Variants in KEAP1 observed in about 807,000 individuals in gnomAD.
KEAP1 encodes kelch-like ECH-associated protein 1.
Under a neutral mutation model 59.7 loss-of-function variants are expected in KEAP1, and 26 were observed. The ratio of observed to expected loss-of-function variants is 0.44; its 90% CI spans 0.32 to 0.60. The LOEUF (loss-of-function observed/expected upper bound fraction) is 0.60, where lower values mean the gene tolerates loss of function less well. Among genes scored for constraint, KEAP1 ranks in the 20% least tolerant of loss-of-function variants. The pLI, the probability that KEAP1 is intolerant of heterozygous loss-of-function variation, is 0.06. For missense variants in KEAP1, 539 were observed against 871.4 expected (o/e 0.62, Z 4.80); for synonymous variants, 350 against 358.3 (o/e 0.98, Z 0.26).
chr19:10,495,042 T>C (rs1914805935), intron 2 of KEAP1, among the ~76,000 whole-genome samples: 1 of 151,476 alleles, frequency 6.6e-6, no homozygotes, highest in Non-Finnish European at 1.5e-5. Flanking sequence ...CTGCAACCTC[T>C]GTCTCCGGGT....
chr19:10,487,899 C>T (rs760264476), intron 5 of KEAP1, among the ~76,000 whole-genome samples: 26 of 151,908 alleles, frequency 1.7e-4, no homozygotes, highest in East Asian at 1.2e-3. Context: ...GAGGCCGAGG[C>T]GGGCAGATCA....
In KEAP1 at chr19:10,486,630, T is replaced by C; in HGVS notation, c.*22A>G. 6.2e-7 allele frequency: 1 copy of C among 1,610,728 alleles called. No homozygotes were observed. The highest frequency in any genetic ancestry group is 1.1e-5 in the South Asian group (1 of 90,744). ...TGATACTCCCCATTGGACTGTATTT[T>C]TGCCCAAGAAACAAAAGTGCCTCAA... is the stretch of plus-strand genomic sequence containing the variant. On this transcript the variant is annotated 3_prime_UTR_variant, in exon 6 of 6. Coordinates refer to ENST00000171111, the MANE Select transcript of KEAP1 (RefSeq NM_203500.2).
At chr19:10,493,562 T>TC (rs1176646672) in intron 2 of KEAP1, among the ~76,000 whole-genome samples, 1 of 141,796 alleles carries the variant, frequency 7.1e-6, no homozygotes, top group East Asian at 2.0e-4. Context: ...AAACTCTTTT[T>TC]TTTTTTTTTT....
intron 2 of KEAP1, 43 bp from the exon 3 acceptor site, chr19:10,492,305 C>CGT: frequency 6.8e-7 from 1 of 1,479,130 alleles, no homozygotes; most frequent in Non-Finnish European, 9.4e-7. Context: ...TCCAGTCACC[C>CGT]CCACACCTCA....
intron 1 of KEAP1, 106 bp from the exon 2 acceptor site, chr19:10,500,186 A>G (rs551443742): frequency 2.5e-6 from 2 of 784,698 alleles, no homozygotes; most frequent in Admixed American, 3.1e-5. Flanking sequence ...GTTTTCCTGC[A>G]AAGTAGGTGA....
At chr19:10,489,617 G>T (rs1914598398) in intron 4 of KEAP1, 31 bp downstream of exon 4, 2 of 1,608,024 alleles carry the variant, frequency 1.2e-6, no homozygotes, top group Non-Finnish European at 1.7e-6. Context: ...GGGTGTTCCT[G>T]GGTGCTCCCC....
intron 3 of KEAP1, chr19:10,490,320 T>C (rs1303675111): frequency 6.9e-6 from 1 of 145,638 alleles, no homozygotes; most frequent in Non-Finnish European, 1.5e-5. Flanking sequence ...AGTGGTGCAA[T>C]CACTGAAGCT....
intron 5 of KEAP1, among the ~76,000 whole-genome samples, chr19:10,487,863 T>C (rs139714876): frequency 0.011 from 1,635 of 151,764 alleles, 25 homozygotes; most frequent in African/African-American, 0.038. Flanking sequence ...GCATGGTGGC[T>C]CACACCTGTA....
intron 2 of KEAP1, chr19:10,492,711 CAA>C (rs1914716069): frequency 6.3e-6 from 1 of 159,390 alleles, no homozygotes; most frequent in African/African-American, 2.5e-5. Context: ...GGCGACAGAG[CAA>C]GACTCTGTCT....
chr19:10,494,388 G>T (rs962369946), intron 2 of KEAP1, among the ~76,000 whole-genome samples: 2 of 142,426 alleles, frequency 1.4e-5, no homozygotes, highest in African/African-American at 2.6e-5. Flanking sequence ...TGGAGTGCAG[G>T]GGTGCAATCT....
At position 10,499,788 on chromosome 19, in the gene KEAP1, C is replaced by G. The variant is rs2144628694; in HGVS notation, c.246G>C (p.Gln82His). The change falls in exon 2 of 6, where the codon CAG becomes CAC. Residue 82 changes from glutamine to histidine, a missense_variant. By Grantham distance (24) the Gln-to-His change is conservative. Around this residue, in one of 4 missense-constraint regions of KEAP1, gnomAD observed 166 missense variants for 295.8 expected, o/e 0.56. Transcript: ENST00000171111. The surrounding 1 kb of genome is among the most constrained non-coding windows in gnomAD (Gnocchi z 6.7). ...CGGCCGGTGCATCCTGGTACTTGAC[C>G]TGCAGTGTGACGTCACACAGCTGCT... ...LSQQLCDVTL[Q>H]VKYQDAPAAQ... is the part of the protein sequence containing the mutation. 6.2e-7 allele frequency: 1 copy of G among 1,614,152 alleles called. No individual in the cohort carries two copies. The highest frequency in any genetic ancestry group is 1.1e-5 in the South Asian group (1 of 91,090).
chr19:10,495,517 G>A (rs1914821705), intron 2 of KEAP1, among the ~76,000 whole-genome samples: 1 of 152,000 alleles, frequency 6.6e-6, no homozygotes, highest in Non-Finnish European at 1.5e-5. Flanking sequence ...GGCCAACACG[G>A]TGAAACCCCG....
chr19:10,491,183 T>C lies in KEAP1; in HGVS notation c.1325+394A>G, dbSNP rs1043437699. The stretch of plus-strand genomic sequence containing the variant: ...CAGTGACCCAAGATGCACTCCAGCC[T>C]GGGCAACAGAGCAAGAGAGACAGGG... On this transcript the variant is annotated intron_variant, in intron 3 of 5. Transcript: ENST00000171111. This position sits in a 1 kb window ranked among gnomAD's most constrained non-coding sequence, Gnocchi z 5.2. Among the ~76,000 whole-genome samples, 11 of 152,026 alleles carry C rather than the reference T, an allele frequency of 7.2e-5. No homozygotes were observed. The highest frequency in any genetic ancestry group is 1.5e-5 in the Non-Finnish European group (1 of 68,006).
At chr19:10,498,048 G>A (rs1762237504) in intron 2 of KEAP1, among the ~76,000 whole-genome samples, 1 of 147,420 alleles carries the variant, frequency 6.8e-6, no homozygotes, top group African/African-American at 2.5e-5. Context: ...TTACAAGCAT[G>A]AGCCACCATG....
At chr19:10,487,580 C>T (rs1028227322) in intron 5 of KEAP1, among the ~76,000 whole-genome samples, 1 of 151,622 alleles carries the variant, frequency 6.6e-6, no homozygotes. Flanking sequence ...CGCTTGAACC[C>T]GGGAGGCGGA....
chr19:10,489,581 G>C (rs2144588766), intron 4 of KEAP1, 67 bp downstream of exon 4: 2 of 1,559,096 alleles, frequency 1.3e-6, no homozygotes, highest in Non-Finnish European at 1.8e-6. Context: ...CCCAGGCCTG[G>C]CTCAGTTTCA....
chr19:10,491,859 C>T lies in KEAP1; in HGVS notation c.1043G>A (p.Ser348Asn), dbSNP rs770497657. Residue 348 changes from serine to asparagine, a missense_variant, in exon 3 of 6, where the codon AGT becomes AAT. Coordinates refer to ENST00000171111, the MANE Select transcript of KEAP1 (RefSeq NM_203500.2). This position sits in a 1 kb window ranked among gnomAD's most constrained non-coding sequence, Gnocchi z 5.2. ...SLSYLEAYNPSDGTWLRLADL... is the reference protein window; with the variant it reads ...SLSYLEAYNPNDGTWLRLADL... ...CGCCAACCGGAGCCAGGTGCCGTCA[C>T]TGGGGTTGTAAGCCTCCAGGTAGCT... The T allele has an allele frequency of 6.2e-7, 1 of 1,612,178 alleles. No individual in the cohort carries two copies. The highest frequency in any genetic ancestry group is 1.1e-5 in the South Asian group (1 of 90,860).
At position 10,494,992 on chromosome 19, in the gene KEAP1, T is replaced by A. The variant is rs143049033; in HGVS notation, c.640-2730A>T. ...TTTTTTTTTTGAGACAGAGTCTCACTCTGTCGTCAGGCTGGATACAGTGGC... is the reference window on the plus strand; with the variant it reads ...TTTTTTTTTTGAGACAGAGTCTCACACTGTCGTCAGGCTGGATACAGTGGC... On this transcript the variant is annotated intron_variant, in intron 2 of 5. Coordinates refer to ENST00000171111, the MANE Select transcript of KEAP1 (RefSeq NM_203500.2). 1.1e-3 allele frequency among the ~76,000 whole-genome samples: 164 copies of A among 150,350 alleles called. 3 individuals are homozygous for A. In the East Asian group the frequency reaches 0.03, roughly 28 times the overall value.
chr19:10,488,638 A>G (rs1054215235), intron 5 of KEAP1, among the ~76,000 whole-genome samples: 11 of 149,276 alleles, frequency 7.4e-5, no homozygotes, highest in Non-Finnish European at 1.2e-4. Flanking sequence ...AAAACAAAAC[A>G]AAAAACAAAA....
Sources: gnomAD v4.1 joint callset for allele counts (sites outside exome capture counted in the v4.1 genomes callset) on GRCh38, gnomAD v4.1.1 for gene constraint, gnomAD v4.1.1 regional missense constraint, Gnocchi (gnomAD v3.1) non-coding constraint, MANE v1.5 for transcripts, NCBI Gene and HGNC (gene_info 2026-07-23, HGNC 2026-07-21) for gene names.